PSG8: variants seen among roughly 807,000 people sequenced by gnomAD.
PSG8 encodes pregnancy specific beta-1-glycoprotein 8.
A neutral mutation model predicts 42.5 loss-of-function variants in PSG8; 57 were observed. The ratio of observed to expected loss-of-function variants is 1.34; its 90% confidence interval spans 1.08 to 1.67. The LOEUF is 1.67. Ranked by LOEUF, PSG8 falls within the 40% of genes most tolerant of loss-of-function variation. The pLI, the probability that PSG8 is intolerant of heterozygous loss-of-function variation, is 0.00. For synonymous variants in PSG8, 280 were observed against 196.8 expected (o/e 1.42, Z -3.54); for missense variants, 783 against 518.6 (o/e 1.51, Z -4.95).
chr19:42,762,418 GA>G (rs1367869505), intron 2 of PSG8, among the ~76,000 whole-genome samples: 5 of 152,184 alleles, frequency 3.3e-5, no homozygotes, highest in Non-Finnish European at 5.9e-5. Context: ...GTAGTGGGGG[GA>G]TGAAACATGG....
intron 1 of PSG8, among the ~76,000 whole-genome samples, chr19:42,764,928 A>C (rs1281974161): frequency 6.6e-6 from 1 of 151,790 alleles, no homozygotes; most frequent in African/African-American, 2.4e-5. Flanking sequence ...ACAGTGTTTC[A>C]TGCCCTGTGT....
In PSG8 at chr19:42,758,074, C is replaced by T. The variant is rs1380354144; in HGVS notation, c.637G>A (p.Gly213Arg). 2 of 1,614,042 alleles carry T rather than the reference C, an allele frequency of 1.2e-6. No individual in the cohort carries two copies. The highest frequency in any genetic ancestry group is 2.2e-5 in the South Asian group (2 of 91,078). Residue 213 changes from glycine to arginine, a missense_variant, in exon 3 of 5, where the codon GGA becomes AGA. Coordinates refer to ENST00000306511, the MANE Select transcript of PSG8 (RefSeq NM_182707.3). Reference sequence around the variant, plus strand: ...TTCCGTATTTCACATTCATAGGGTCCTGCAGTGTACTTTGTGACACCCAAT... The same window carrying T: ...TTCCGTATTTCACATTCATAGGGTCTTGCAGTGTACTTTGTGACACCCAAT... ...FLLGVTKYTA[G>R]PYECEIRNPV...
chr19:42,758,417 C>G, intron 2 of PSG8, 137 bp from the exon 3 acceptor site: 1 of 1,505,646 alleles, frequency 6.6e-7, no homozygotes, highest in Non-Finnish European at 8.9e-7. Context: ...GTGTGTGTTG[C>G]AAGACAGATG....
chr19:42,754,361 G>A lies in PSG8; in HGVS notation c.1215C>T (p.Ser405=). 2 of 1,613,820 alleles carry A rather than the reference G, an allele frequency of 1.2e-6. No individual in the cohort carries two copies. The highest frequency in any genetic ancestry group is 1.1e-5 in the South Asian group (1 of 91,064). Residue 405 remains serine, a synonymous_variant, in exon 5 of 5, where the codon AGC becomes AGT. Coordinates refer to ENST00000306511, the MANE Select transcript of PSG8 (RefSeq NM_182707.3). ...AGACTTTTACTGTCATGGATTTGGA[G>A]CTTTCCTTGCCAGTGGCTGAGTTAC... The part of the protein sequence containing the change: ...SVRNSATGKE[S]SKSMTVKVSG...
At chr19:42,753,371 T>C (rs776998124), downstream of PSG8, 1 of 780,356 alleles carries the variant, frequency 1.3e-6, no homozygotes, top group Non-Finnish European at 2.4e-6. Context: ...CAGGGTAATG[T>C]CCAGTCTACA....
In PSG8 at chr19:42,765,567, T is replaced by A. The variant is rs1233195923; in HGVS notation, c.15A>T (p.Ser5=). Residue 5 remains serine (S), a synonymous_variant, in exon 1 of 5, where the codon TCA becomes TCT. Coordinates refer to ENST00000306511, the MANE Select transcript of PSG8 (RefSeq NM_182707.3). ...TGATGCGCTGTGTGCAGGGAGGGGC[T>A]GAGAGGAGCCCCATGGTCTCTGCTG... MGLL[S]APPCTQRITW... is the part of the protein sequence containing the mutation. The A allele has an allele frequency of 6.2e-7, 1 of 1,611,122 alleles. No individual in the cohort carries two copies. The highest frequency in any genetic ancestry group is 2.2e-5 in the East Asian group (1 of 44,844).
rs1420629240 is a variant in PSG8, at chr19:42,760,567, A to G, written c.431-2287T>C. Among the ~76,000 whole-genome samples, 10 of 151,984 alleles carry G rather than the reference A, an allele frequency of 6.6e-5. No individual in the cohort carries two copies. The East Asian group carries it at 1.5e-3, about 24-fold the overall frequency. ...CAGTCTACCAGTAAGCATCAAAAGC[A>G]TTCTTCATTTCTCTAACAGCATTTT... On this transcript the variant is annotated intron_variant, in intron 2 of 4. Coordinates refer to ENST00000306511, the MANE Select transcript of PSG8 (RefSeq NM_182707.3).
chr19:42,758,747 C>G (rs1280795088), intron 2 of PSG8: 1 of 179,116 alleles, frequency 5.6e-6, no homozygotes, highest in Non-Finnish European at 1.2e-5. Context: ...TCTTTAAACC[C>G]TTTGGGTACT....
chr19:42,763,677 C>T (rs1332857128), intron 2 of PSG8: 3 of 739,766 alleles, frequency 4.1e-6, no homozygotes, highest in Admixed American at 5.4e-5. Context: ...CTGCTGAGTC[C>T]CCCCATCAGA....
chr19:42,754,450 C>T lies in PSG8; in HGVS notation c.1126G>A (p.Gly376Arg). The T allele has an allele frequency of 6.2e-7, 1 of 1,613,902 alleles. No homozygotes were observed. Residue 376 changes from glycine (G) to arginine (R), a missense_variant, in exon 5 of 5, where the codon GGA becomes AGA. By Grantham distance (125) the Gly-to-Arg change is moderately radical. Transcript: ENST00000306511. ...WTINGKFQLS[G>R]QKLFIPQITT... is the part of the protein sequence containing the mutation. ...ATTTGGGGGATAAAGAGCTTTTGTC[C>T]TGATAGCTGAAACTTCCCATTAATT...
chr19:42,760,217 C>A lies in PSG8; in HGVS notation c.431-1937G>T, dbSNP rs148093669. Among the ~76,000 whole-genome samples the A allele has an allele frequency of 5.9e-3, 896 of 152,140 alleles. 13 individuals carry two copies. Among genetic ancestry groups the A allele is most frequent in the African/African-American group, 0.021 (867 of 41,508 alleles). On this transcript the variant is annotated intron_variant, in intron 2 of 4. Coordinates refer to ENST00000306511, the MANE Select transcript of PSG8 (RefSeq NM_182707.3). Reference sequence around the variant, plus strand: ...AATGGCTCATGTGTCTCCCCACACGCAGAACTCCAACTTATGAAAATGGCA... The same window carrying A: ...AATGGCTCATGTGTCTCCCCACACGAAGAACTCCAACTTATGAAAATGGCA...
rs376626295 is a variant in PSG8 at position 42,762,874 on chromosome 19, G to A, written c.430+1042C>T. Among the ~76,000 whole-genome samples, 30 of 152,256 alleles carry A rather than the reference G, an allele frequency of 2.0e-4. 1 individual carries two copies. Among genetic ancestry groups the A allele is most frequent in the Admixed American group, 8.5e-4 (13 of 15,298 alleles). On this transcript the variant is annotated intron_variant, in intron 2 of 4. Transcript: ENST00000306511. ...ATAAATGACTATGGGGTGCTTGGAA[G>A]CCAGTGAGCCCTCACTTCTGGTGGA...
Position 42,764,233 on chromosome 19 carries a change from A to T in PSG8, c.113T>A (p.Ile38Asn), listed in dbSNP as rs75687580. ...WNPPTTAQVT[I>N]EAQPTKVSEG... Reference sequence around the variant, plus strand: ...AGAAACTTTGGTTGGCTGGGCTTCAATCGTGACTTGGGCAGTCGTGGGTGG... The same window carrying T: ...AGAAACTTTGGTTGGCTGGGCTTCATTCGTGACTTGGGCAGTCGTGGGTGG... The change falls in exon 2 of 5, where the codon ATT (isoleucine) becomes AAT (asparagine). Residue 38 changes from isoleucine to asparagine, a missense_variant. Coordinates refer to ENST00000306511, the MANE Select transcript of PSG8 (RefSeq NM_182707.3). 1 of 1,613,770 alleles carries T rather than the reference A, an allele frequency of 6.2e-7. No homozygotes were observed. Among genetic ancestry groups the T allele is most frequent in the South Asian group, 1.1e-5 (1 of 91,066 alleles).
chr19:42,759,840 G>A (rs1013723358), intron 2 of PSG8, among the ~76,000 whole-genome samples: 1 of 152,130 alleles, frequency 6.6e-6, no homozygotes, highest in African/African-American at 2.4e-5. Flanking sequence ...ACCAACATAA[G>A]GTTTAGGTGT....
At chr19:42,765,406 C>A in intron 1 of PSG8, 112 bp downstream of exon 1, 3 of 1,512,694 alleles carry the variant, frequency 2.0e-6, no homozygotes, top group Non-Finnish European at 1.8e-6. Context: ...CCTGCCTCAG[C>A]CTCCCAAAGT....
At chr19:42,756,317 G>T (rs149347946) in intron 3 of PSG8, among the ~76,000 whole-genome samples, 1 of 152,294 alleles carries the variant, frequency 6.6e-6, no homozygotes, top group African/African-American at 2.4e-5. Flanking sequence ...TGGGAGTGGG[G>T]AGAATCAGAA....
At chr19:42,762,491 A>AG (rs538690592) in intron 2 of PSG8, among the ~76,000 whole-genome samples, 1 of 152,124 alleles carries the variant, frequency 6.6e-6, no homozygotes, top group South Asian at 2.1e-4. Flanking sequence ...TCTGCATGCA[A>AG]ATTCAGTCTC....
At chr19:42,754,175 G>C (rs1246873389), downstream of PSG8, 2 of 1,514,558 alleles carry the variant, frequency 1.3e-6, no homozygotes, top group South Asian at 1.3e-5. Flanking sequence ...AGTTTTCAAA[G>C]TTCTTAGACA....
intron 2 of PSG8, among the ~76,000 whole-genome samples, chr19:42,762,365 A>C (rs1970098664): frequency 6.6e-6 from 1 of 151,946 alleles, no homozygotes; most frequent in African/African-American, 2.4e-5. Flanking sequence ...GTGGCCAAAG[A>C]GCTTCAGAAT....
Sources: gnomAD v4.1 joint callset for allele counts (sites outside exome capture counted in the v4.1 genomes callset) on GRCh38, gnomAD v4.1.1 for gene constraint, MANE v1.5 for transcripts, NCBI Gene and HGNC (gene_info 2026-07-23, HGNC 2026-07-21) for gene names.